KIF2C: variants seen among roughly 807,000 people sequenced by gnomAD.
KIF2C encodes kinesin-like protein KIF2C.
A neutral mutation model predicts 97.4 loss-of-function variants in KIF2C; 34 were observed. The observed-to-expected ratio is 0.35, with a 90% CI of 0.27 to 0.46. The LOEUF is 0.46. KIF2C is among the 20% of genes least tolerant of loss of function. The pLI is 1.00. For synonymous variants in KIF2C, 313 were observed against 318.2 expected, an observed-to-expected ratio of 0.98 and a Z score of 0.17; for missense variants, 750 against 907.6, an observed-to-expected ratio of 0.83 and a Z score of 2.23.
intron 4 of KIF2C, among the ~76,000 whole-genome samples, chr1:44,748,353 A>G (rs1420230299): frequency 1.3e-5 from 2 of 152,160 alleles, no homozygotes; most frequent in East Asian, 1.9e-4. Flanking sequence ...AGGGACTCAC[A>G]GAATACTTGG....
rs776219687 is a variant in KIF2C at position 44,750,438 on chromosome 1, C to T, written c.317-4C>T. The T allele has an allele frequency of 2.1e-6, 3 of 1,461,408 alleles. No individual in the cohort carries two copies. In the Admixed American group the frequency reaches 6.6e-5, roughly 32 times the overall value. 90.5% of individuals were successfully genotyped at this position (1,461,408 alleles called of 1,614,324 possible). The stretch of plus-strand genomic sequence containing the variant: ...CTGACTGGCTACTGCTCTCGGTTCT[C>T]CAGGTCTTCGAAGCCGCTCCACTCG... On this transcript the variant is annotated splice_polypyrimidine_tract_variant and splice_region_variant and intron_variant, in intron 4 of 20. Transcript: ENST00000372224.
chr1:44,749,699 G>A (rs991418903), intron 4 of KIF2C, among the ~76,000 whole-genome samples: 1 of 151,748 alleles, frequency 6.6e-6, no homozygotes, highest in African/African-American at 2.4e-5. Flanking sequence ...CAGAAACTGG[G>A]TAGAAGTTGG....
At chr1:44,762,013 G>C in intron 17 of KIF2C, 30 bp downstream of exon 17, 1 of 1,593,962 alleles carries the variant, frequency 6.3e-7, no homozygotes, top group Non-Finnish European at 8.6e-7. Flanking sequence ...GGTGGGATGC[G>C]GAACAGGACT....
At chr1:44,741,363 CAGTG>C (rs1198723129) in intron 2 of KIF2C, among the ~76,000 whole-genome samples, 2 of 138,654 alleles carry the variant, frequency 1.4e-5, no homozygotes, top group East Asian at 2.1e-4. Flanking sequence ...GCCTGGGTGA[CAGTG>C]AGAATCTGTC....
intron 2 of KIF2C, among the ~76,000 whole-genome samples, chr1:44,741,321 G>A (rs1648923376): frequency 6.6e-6 from 1 of 151,290 alleles, no homozygotes; most frequent in East Asian, 1.9e-4. Flanking sequence ...GGCGGAGGTT[G>A]CAGTGAGCCG....
chr1:44,758,503 A>G (rs919455768), intron 13 of KIF2C, among the ~76,000 whole-genome samples: 1 of 151,966 alleles, frequency 6.6e-6, no homozygotes, highest in African/African-American at 2.4e-5. Flanking sequence ...CCCTCTCTCT[A>G]TTCACTGTGT....
At chr1:44,745,435 G>T (rs1347027073) in intron 2 of KIF2C, among the ~76,000 whole-genome samples, 13 of 131,778 alleles carry the variant, frequency 9.9e-5, no homozygotes, top group South Asian at 2.5e-4. Context: ...ATTAGAAATT[G>T]AGCTCATGGT....
chr1:44,766,793 T>G (rs1278830963), intron 19 of KIF2C, 33 bp from the exon 20 acceptor site: 7 of 1,611,408 alleles, frequency 4.3e-6, no homozygotes, highest in Non-Finnish European at 4.2e-6. Context: ...GCTAAATGGT[T>G]ATTGAACTGA....
At chr1:44,762,862 C>T (rs1271026540) in intron 19 of KIF2C, among the ~76,000 whole-genome samples, 1 of 152,240 alleles carries the variant, frequency 6.6e-6, no homozygotes, top group Non-Finnish European at 1.5e-5. Context: ...GGTTGGCACA[C>T]ATAGGCTTTC....
rs897786765 is a variant in KIF2C, at chr1:44,760,526, G to C, written c.1572+42G>C. ...AGCTGGTTGGCCGGGAGAGCTACTG[G>C]GAAGGGATGGGGAGGGATCAGTGCA... On this transcript the variant is annotated intron_variant, in intron 15 of 20. Coordinates refer to ENST00000372224, the MANE Select transcript of KIF2C (RefSeq NM_006845.4). The surrounding 1 kb of genome is among the most constrained non-coding windows in gnomAD (Gnocchi z 4.2). 1.9e-6 allele frequency: 3 copies of C among 1,611,914 alleles called. No individual in the cohort carries two copies. In the African/African-American group the frequency reaches 4.0e-5, roughly 22 times the overall value.
intron 2 of KIF2C, chr1:44,746,517 C>T: frequency 2.3e-6 from 3 of 1,292,966 alleles, no homozygotes; most frequent in Non-Finnish European, 2.9e-6. Context: ...AAAGGGCCCC[C>T]ATTTGACTCT....
chr1:44,760,835 G>A lies in KIF2C; in HGVS notation c.1683+133G>A. 1 of 689,368 alleles carries A rather than the reference G, an allele frequency of 1.5e-6. No individual in the cohort carries two copies. 42.7% of individuals were successfully genotyped at this position (689,368 alleles called of 1,614,324 possible). ...TGGGTTTCCAGGCTGTACCGTGACT[G>A]GGCTTCCAGACCCTGCTTTAATGCA... is the stretch of plus-strand genomic sequence containing the variant. On this transcript the variant is annotated intron_variant, in intron 16 of 20. Coordinates refer to ENST00000372224, the MANE Select transcript of KIF2C (RefSeq NM_006845.4). This position sits in a 1 kb window ranked among gnomAD's most constrained non-coding sequence, Gnocchi z 4.2.
At chr1:44,746,886 T>G (rs947102463) in intron 2 of KIF2C, 74 of 1,015,530 alleles carry the variant, frequency 7.3e-5, no homozygotes, top group Admixed American at 5.8e-4. Context: ...TATGTTGTTT[T>G]TTTGTTTGTT....
intron 4 of KIF2C, 120 bp downstream of exon 4, chr1:44,747,820 T>G: frequency 1.3e-6 from 1 of 788,484 alleles, no homozygotes; most frequent in South Asian, 1.7e-5. Flanking sequence ...GAGTCCTGCC[T>G]GTGTTCCAAG....
intron 7 of KIF2C, among the ~76,000 whole-genome samples, chr1:44,754,409 T>C (rs565365120): frequency 6.6e-6 from 1 of 152,236 alleles, no homozygotes; most frequent in South Asian, 2.1e-4. Flanking sequence ...ATTGGTCTGC[T>C]CTCTCCTATC....
chr1:44,750,405 G>C, intron 4 of KIF2C, 37 bp from the exon 5 acceptor site: 5 of 1,382,898 alleles, frequency 3.6e-6, no homozygotes, highest in Non-Finnish European at 3.8e-6. Flanking sequence ...CCTCGAGATC[G>C]TGCAGCACTG....
At chr1:44,756,686 G>A (rs577016207) in intron 10 of KIF2C, among the ~76,000 whole-genome samples, 35 of 150,998 alleles carry the variant, frequency 2.3e-4, no homozygotes, top group African/African-American at 7.5e-4. Flanking sequence ...CCACATAGCT[G>A]GGATTACAGG....
intron 19 of KIF2C, among the ~76,000 whole-genome samples, chr1:44,764,383 G>A (rs1367161916): frequency 6.6e-6 from 1 of 151,906 alleles, no homozygotes; most frequent in East Asian, 1.9e-4. Context: ...TACCATGTTG[G>A]CCAGGCTGGT....
intron 6 of KIF2C, 57 bp downstream of exon 6, chr1:44,753,311 T>G (rs1649629669): frequency 6.4e-7 from 1 of 1,558,900 alleles, no homozygotes; most frequent in Non-Finnish European, 8.7e-7. Flanking sequence ...ATAGTTTACA[T>G]CCTGTCCTAA....
Sources: gnomAD v4.1 joint callset for allele counts (sites outside exome capture counted in the v4.1 genomes callset) on GRCh38, gnomAD v4.1.1 for gene constraint, Gnocchi (gnomAD v3.1) non-coding constraint, MANE v1.5 for transcripts, NCBI Gene and HGNC (gene_info 2026-07-23, HGNC 2026-07-21) for gene names.